TPRG1: variants seen among roughly 807,000 people sequenced by gnomAD.
TPRG1 encodes the protein tumor protein p63 regulated 1.
In TPRG1, 29 loss-of-function variants were observed where a neutral mutation model predicts 29.3. The observed-to-expected ratio is 0.99, with a 90% CI of 0.74 to 1.35. The LOEUF (loss-of-function observed/expected upper bound fraction) is 1.35. Among genes scored for constraint, TPRG1 ranks in the 40% most tolerant of loss-of-function variants. The pLI is 0.00. For synonymous variants in TPRG1, 130 were observed against 116.8 expected, an observed-to-expected ratio of 1.11 and a Z score of -0.73; for missense variants, 327 against 335.0, an observed-to-expected ratio of 0.98 and a Z score of 0.19.
intron 1 of TPRG1, among the ~76,000 whole-genome samples, chr3:189,198,105 A>T (rs1030713422): frequency 6.6e-6 from 1 of 152,150 alleles, no homozygotes; most frequent in Non-Finnish European, 1.5e-5. Context: ...CTGTAACCAG[A>T]TCTTCAAGGG....
intron 1 of TPRG1, among the ~76,000 whole-genome samples, chr3:189,175,970 T>C (rs1729437113): frequency 6.6e-6 from 1 of 152,206 alleles, no homozygotes; most frequent in African/African-American, 2.4e-5. Context: ...TAGAAGATTC[T>C]TGATATCCTG....
chr3:189,281,612 A>G (rs1717141891), intron 4 of TPRG1, among the ~76,000 whole-genome samples: 1 of 152,228 alleles, frequency 6.6e-6, no homozygotes, highest in African/African-American at 2.4e-5. Context: ...TATGACATGT[A>G]ATTTTATAAA....
intron 5 of TPRG1, among the ~76,000 whole-genome samples, chr3:189,312,237 T>C (rs1164838031): frequency 1.4e-5 from 2 of 145,462 alleles, no homozygotes; most frequent in Non-Finnish European, 3.0e-5. Flanking sequence ...AGTCTCGCTC[T>C]GTCACCCAGG....
upstream of TPRG1, among the ~76,000 whole-genome samples, chr3:189,099,539 C>T (rs1718935962): frequency 6.6e-6 from 1 of 152,016 alleles, no homozygotes; most frequent in African/African-American, 2.4e-5. Context: ...AGATTTGTGG[C>T]GTGGGAATTT....
chr3:189,266,250 T>A (rs1714059855), intron 4 of TPRG1, among the ~76,000 whole-genome samples: 1 of 152,230 alleles, frequency 6.6e-6, no homozygotes, highest in African/African-American at 2.4e-5. Flanking sequence ...TGTATTAGCT[T>A]CCTTTTACTT....
chr3:189,270,017 ATCTTCTTCTTCTTCTTCTTCT>A (rs72453037), intron 4 of TPRG1, among the ~76,000 whole-genome samples: 8 of 148,698 alleles, frequency 5.4e-5, no homozygotes, highest in African/African-American at 1.2e-4. Flanking sequence ...TCTTCTCTGG[ATCTTCTTCTTCTTCTTCTTCT>A]TCTTCTTCTT....
intron 4 of TPRG1, among the ~76,000 whole-genome samples, chr3:189,302,812 G>A (rs2109273907): frequency 6.6e-6 from 1 of 152,200 alleles, no homozygotes; most frequent in African/African-American, 2.4e-5. Flanking sequence ...TGAGAAAGAG[G>A]GTATTTTTAT....
At chr3:189,105,737 A>G (rs1719741778) in intron 1 of TPRG1, among the ~76,000 whole-genome samples, 1 of 152,282 alleles carries the variant, frequency 6.6e-6, no homozygotes, top group East Asian at 1.9e-4. Flanking sequence ...TTTGAAGCCT[A>G]CGGAATAGAG....
intron 5 of TPRG1, among the ~76,000 whole-genome samples, chr3:189,160,026 G>A (rs1427149356): frequency 7.1e-6 from 1 of 141,318 alleles, no homozygotes; most frequent in Non-Finnish European, 1.6e-5. Flanking sequence ...CCAAAGGAAG[G>A]CCTTGTATGG....
chr3:189,215,752 A>C (rs949998268), intron 3 of TPRG1, among the ~76,000 whole-genome samples: 1 of 152,330 alleles, frequency 6.6e-6, no homozygotes, highest in Non-Finnish European at 1.5e-5. Flanking sequence ...TCTAGGTGTC[A>C]TGGAAAGAAA....
intron 1 of TPRG1, among the ~76,000 whole-genome samples, chr3:189,108,888 C>G (rs957653989): frequency 6.6e-6 from 1 of 151,942 alleles, no homozygotes; most frequent in Non-Finnish European, 1.5e-5. Context: ...AGCGGTGTTT[C>G]CATCTTGCTT....
intron 4 of TPRG1, among the ~76,000 whole-genome samples, chr3:189,254,710 G>A (rs1711525815): frequency 6.6e-6 from 1 of 152,130 alleles, no homozygotes; most frequent in Admixed American, 6.5e-5. Context: ...GCAGTGGTTT[G>A]TAGTTCTGCT....
At chr3:189,204,037 CAA>C (rs35367828) in intron 1 of TPRG1, among the ~76,000 whole-genome samples, 3,409 of 87,478 alleles carry the variant, frequency 0.039, 65 homozygotes, top group African/African-American at 0.13. Flanking sequence ...GAGACTGTCT[CAA>C]AAAAAAAAAA....
intron 4 of TPRG1, among the ~76,000 whole-genome samples, chr3:189,069,833 G>T (rs183087455): frequency 1.3e-5 from 2 of 152,082 alleles, no homozygotes; most frequent in Non-Finnish European, 2.9e-5. Context: ...CAGGCTGGGC[G>T]TGGTGGCTCA....
chr3:189,227,206 T>C (rs544859267), intron 3 of TPRG1, among the ~76,000 whole-genome samples: 1 of 151,864 alleles, frequency 6.6e-6, no homozygotes, highest in Non-Finnish European at 1.5e-5. Context: ...TTCATGCCTG[T>C]GGTCCCAGCT....
At chr3:189,315,193 T>A (rs1723290224) in intron 5 of TPRG1, among the ~76,000 whole-genome samples, 1 of 151,912 alleles carries the variant, frequency 6.6e-6, no homozygotes, top group Non-Finnish European at 1.5e-5. Flanking sequence ...TTCAGAGGGA[T>A]TAAGTGACTG....
chr3:189,024,571 G>C (rs957437954), intron 4 of TPRG1, among the ~76,000 whole-genome samples: 2 of 152,152 alleles, frequency 1.3e-5, no homozygotes, highest in Non-Finnish European at 2.9e-5. Flanking sequence ...TGCTGTGCTG[G>C]GGGGTTTCTT....
chr3:189,050,427 G>A (rs1715241941), intron 4 of TPRG1, among the ~76,000 whole-genome samples: 4 of 152,126 alleles, frequency 2.6e-5, no homozygotes, highest in Admixed American at 2.6e-4. Flanking sequence ...CAAGCAGCAG[G>A]TTTGAAATGG....
intron 1 of TPRG1, among the ~76,000 whole-genome samples, chr3:189,173,141 A>G (rs188540720): frequency 4.3e-4 from 66 of 152,038 alleles, no homozygotes; most frequent in African/African-American, 1.5e-3. Flanking sequence ...TTTCATGCTC[A>G]AAAGGTTATA....
Sources: allele counts gnomAD v4.1 joint callset (sites outside exome capture counted in the v4.1 genomes callset), GRCh38; gene constraint gnomAD v4.1.1; transcripts MANE v1.5; gene names NCBI Gene and HGNC (gene_info 2026-07-23, HGNC 2026-07-21).